Variants in VPS13D observed in about 807,000 individuals in gnomAD.
VPS13D encodes vacuolar protein sorting 13 homolog D, also known as intermembrane lipid transfer protein VPS13D.
VPS13D carries 187 observed loss-of-function variants against 461.9 expected under a neutral mutation model. The ratio of observed to expected loss-of-function variants is 0.40; its 90% CI spans 0.36 to 0.46. The LOEUF (loss-of-function observed/expected upper bound fraction) is 0.46, where lower values mean the gene tolerates loss of function less well. Among genes scored for constraint, VPS13D ranks in the 20% least tolerant of loss-of-function variants. VPS13D has a pLI of 0.60. For missense variants in VPS13D, 4,711 were observed against 5,364.9 expected, an observed-to-expected ratio of 0.88 and a Z score of 3.81; for synonymous variants, 1,951 against 1,986.3, an observed-to-expected ratio of 0.98 and a Z score of 0.47.
Position 12,273,085 on chromosome 1 carries a change from C to T in VPS13D, c.2186C>T (p.Pro729Leu), listed in dbSNP as rs772353577. The change falls in exon 18 of 70, where the codon CCT becomes CTT. Residue 729 changes from proline to leucine, a missense_variant. Transcript: ENST00000620676. ...CCTGATGATTTCAAATTCAAGAATC[C>T]TGTGTTAGTTGTCGTGGATCTAGGA... is the stretch of plus-strand genomic sequence containing the variant. ...IFPDDFKFKN[P>L]VLVVVDLGRM... is the part of the protein sequence containing the mutation. The T allele has an allele frequency of 8.7e-6, 14 of 1,613,978 alleles. No homozygotes were observed.
intron 2 of VPS13D, among the ~76,000 whole-genome samples, chr1:12,236,375 T>C (rs235255): frequency 0.061 from 9,224 of 151,958 alleles, 930 homozygotes; most frequent in African/African-American, 0.21. Flanking sequence ...TAGATAGGAA[T>C]GAGAATGTTC....
Position 12,275,910 on chromosome 1 carries a change from ACCT to A in VPS13D, c.2326_2328del (p.Pro776del). The A allele has an allele frequency of 1.2e-6, 2 of 1,613,810 alleles. No individual in the cohort carries two copies. Among genetic ancestry groups the A allele is most frequent in the Non-Finnish European group, 1.7e-6 (2 of 1,179,968 alleles). On this transcript the variant is annotated inframe_deletion, in exon 19 of 70. Coordinates refer to ENST00000620676, the MANE Select transcript of VPS13D (RefSeq NM_015378.4). ...ATGAATATAAGACCCCCCTGGCCACACCTCCTAACACCCCACCTCCCGAGTCAA... is the reference window on the plus strand; with the variant it reads ...ATGAATATAAGACCCCCCTGGCCACACCTAACACCCCACCTCCCGAGTCAA...
In VPS13D at chr1:12,283,385, C is replaced by T. The variant is rs964411898; in HGVS notation, c.5283C>T (p.Thr1761=). The change falls in exon 21 of 70, where the codon ACC becomes ACT. Residue 1761 remains threonine (T), a synonymous_variant. Coordinates refer to ENST00000620676, the MANE Select transcript of VPS13D (RefSeq NM_015378.4). ...KEVQDKDYPL[T]PPPSPTVDEP... is the part of the protein sequence containing the mutation. Reference sequence around the variant, plus strand: ...TCCAAGACAAGGACTATCCCTTGACCCCACCTCCTTCTCCAACAGTGGATG... The same window carrying T: ...TCCAAGACAAGGACTATCCCTTGACTCCACCTCCTTCTCCAACAGTGGATG... 1.2e-6 allele frequency: 2 copies of T among 1,614,130 alleles called. No individual in the cohort carries two copies. Among genetic ancestry groups the T allele is most frequent in the Admixed American group, 3.3e-5 (2 of 60,012 alleles).
chr1:12,366,391 T>C (rs1644035019), intron 52 of VPS13D, among the ~76,000 whole-genome samples: 3 of 152,198 alleles, frequency 2.0e-5, no homozygotes, highest in African/African-American at 2.4e-5. Context: ...AGGGAGCCTA[T>C]TGGGTAGGGC....
At chr1:12,504,117 T>G (rs1646072369) in intron 68 of VPS13D, among the ~76,000 whole-genome samples, 1 of 152,170 alleles carries the variant, frequency 6.6e-6, no homozygotes, top group Admixed American at 6.5e-5. Context: ...TGTTTAATTA[T>G]TCTTTGATGT....
At chr1:12,231,073 T>C (rs72864945) in intron 1 of VPS13D, among the ~76,000 whole-genome samples, 5,247 of 152,256 alleles carry the variant, frequency 0.034, 205 homozygotes, top group Admixed American at 0.12. Context: ...CAGTCCTTCC[T>C]ATTCCCGGTC....
At chr1:12,237,301 G>A (rs1301820472) in intron 2 of VPS13D, among the ~76,000 whole-genome samples, 1 of 150,842 alleles carries the variant, frequency 6.6e-6, no homozygotes, top group African/African-American at 2.5e-5. Flanking sequence ...ACTAGCCTGG[G>A]CAATATGGTG....
At position 12,329,809 on chromosome 1, in the gene VPS13D, A is replaced by G; in HGVS notation, c.8198-20A>G. 6.8e-6 allele frequency: 11 copies of G among 1,611,348 alleles called. No homozygotes were observed. The highest frequency in any genetic ancestry group is 1.3e-5 in the African/African-American group (1 of 74,960). On this transcript the variant is annotated intron_variant, in intron 36 of 69. Transcript: ENST00000620676. ...GTTGCTCCTGCCCTGCCGCTGCAGT[A>G]AGGTTTGCTTTCATTGCAGGTCTGA...
Position 12,401,590 on chromosome 1 carries a change from G to T in VPS13D, c.11785-18G>T, listed in dbSNP as rs779595208. On this transcript the variant is annotated intron_variant, in intron 61 of 69. Coordinates refer to ENST00000620676, the MANE Select transcript of VPS13D (RefSeq NM_015378.4). ...CTTCTGGTGTTCACACTTTAAATCA[G>T]AATTTCTTTATCTCTAGCATCTGAT... The T allele has an allele frequency of 2.6e-5, 41 of 1,594,890 alleles. No homozygotes were observed. The highest frequency in any genetic ancestry group is 3.2e-5 in the Non-Finnish European group (37 of 1,164,060).
At position 12,279,608 on chromosome 1, in the gene VPS13D, T is replaced by C; in HGVS notation, c.4560T>C (p.Ser1520=). 6.2e-7 allele frequency: 1 copy of C among 1,612,968 alleles called. No homozygotes were observed. The highest frequency in any genetic ancestry group is 8.5e-7 in the Non-Finnish European group (1 of 1,179,232). The change falls in exon 20 of 70, where the codon TCT becomes TCC. Residue 1520 remains serine, a synonymous_variant. Coordinates refer to ENST00000620676, the MANE Select transcript of VPS13D (RefSeq NM_015378.4). This position sits in a 1 kb window ranked among gnomAD's most constrained non-coding sequence, Gnocchi z 4.3. ...FSLSPDDLGT[S]SIMKIEGKFV... ...TTAGCCCAGATGACCTGGGAACTTC[T>C]AGCATCATGAAGATTGAAGGAAAAT...
At chr1:12,475,100 G>C (rs1314289938) in intron 67 of VPS13D, among the ~76,000 whole-genome samples, 1 of 152,156 alleles carries the variant, frequency 6.6e-6, no homozygotes, top group East Asian at 1.9e-4. Context: ...TGTCAGCATA[G>C]GATCAGTTCC....
At chr1:12,452,489 C>T (rs996757359) in intron 65 of VPS13D, among the ~76,000 whole-genome samples, 1 of 152,242 alleles carries the variant, frequency 6.6e-6, no homozygotes, top group Non-Finnish European at 1.5e-5. Context: ...GGAATTCCCT[C>T]CCTCCACAGC....
chr1:12,442,755 G>A (rs568116108), intron 65 of VPS13D, among the ~76,000 whole-genome samples: 5 of 151,988 alleles, frequency 3.3e-5, no homozygotes, highest in South Asian at 4.2e-4. Context: ...ATGCCACCAC[G>A]CCCAGCTAAT....
rs936696199 is a variant in VPS13D at position 12,234,749 on chromosome 1, C to G, written c.97+386C>G. On this transcript the variant is annotated intron_variant, in intron 2 of 69. Transcript: ENST00000620676. ...GTGAACAATAGCTCATATTGAAATT[C>G]CAAGCCTCAGTTTCTTAGACAGAGA... Among the ~76,000 whole-genome samples, 7 of 152,292 alleles carry G rather than the reference C, an allele frequency of 4.6e-5. No homozygotes were observed. The South Asian group carries it at 1.5e-3, about 32-fold the overall frequency.
chr1:12,394,517 A>G (rs1644470047), intron 60 of VPS13D, among the ~76,000 whole-genome samples: 1 of 152,172 alleles, frequency 6.6e-6, no homozygotes. Context: ...TAAATTTTGT[A>G]GCTAATGATT....
At chr1:12,247,382 A>C (rs930340259) in intron 5 of VPS13D, among the ~76,000 whole-genome samples, 2 of 148,848 alleles carry the variant, frequency 1.3e-5, no homozygotes, top group East Asian at 2.0e-4. Context: ...ACACCATTGC[A>C]CTCCAGCCTG....
Position 12,509,459 on chromosome 1 carries a change from A to T in VPS13D, c.*435A>T, listed in dbSNP as rs552397822. The T allele has an allele frequency of 6.5e-6, 1 of 153,940 alleles. No homozygotes were observed. The highest frequency in any genetic ancestry group is 1.5e-5 in the Non-Finnish European group (1 of 68,888). The allele number at this position is 153,940 out of a possible 1,614,324, so 9.5% of individuals were successfully genotyped here. On this transcript the variant is annotated 3_prime_UTR_variant, in exon 70 of 70. Transcript: ENST00000620676. Reference sequence around the variant, plus strand: ...CTATTGCACTAATTCTAGATGTCTAATTCAGGATACTGTCTATAGAAAGGC... The same window carrying T: ...CTATTGCACTAATTCTAGATGTCTATTTCAGGATACTGTCTATAGAAAGGC...
chr1:12,240,701 T>C lies in VPS13D; in HGVS notation c.98-1812T>C, dbSNP rs192643495. Among the ~76,000 whole-genome samples, 938 of 145,222 alleles carry C rather than the reference T, an allele frequency of 6.5e-3. 5 individuals are homozygous for C. The highest frequency in any genetic ancestry group is 0.01 in the Non-Finnish European group (691 of 66,580). ...TTAAGTCTGTTTCAACCAAGGAAAA[T>C]GTTTCATGATTTTTTTTTCCCCTTA... On this transcript the variant is annotated intron_variant, in intron 2 of 69. Transcript: ENST00000620676.
chr1:12,400,953 T>TGCGCGC lies in VPS13D; in HGVS notation c.11784+628_11784+633dup, dbSNP rs1219516243. On this transcript the variant is annotated intron_variant, in intron 61 of 69. Transcript: ENST00000620676. ...TGGGTGATAGAGTGAGATGTGCACC[T>TGCGCGC]GCGCGCGCGCACACACACACACACA... is the stretch of plus-strand genomic sequence containing the variant. Among the ~76,000 whole-genome samples, 275 of 136,286 alleles carry TGCGCGC rather than the reference T, an allele frequency of 2.0e-3. 3 individuals carry two copies. Among genetic ancestry groups the TGCGCGC allele is most frequent in the Middle Eastern group, 3.5e-3 (1 of 282 alleles). The allele number at this position is 136,286 out of a possible 152,430, so 89.4% of individuals were successfully genotyped here.
Sources: gnomAD v4.1 joint callset for allele counts (sites outside exome capture counted in the v4.1 genomes callset) on GRCh38, gnomAD v4.1.1 for gene constraint, Gnocchi (gnomAD v3.1) non-coding constraint, MANE v1.5 for transcripts, NCBI Gene and HGNC (gene_info 2026-07-23, HGNC 2026-07-21) for gene names.